Variants in KCNG3 observed in about 807,000 individuals in gnomAD.
The protein encoded by KCNG3 is potassium voltage-gated channel modifier subfamily G member 3.
KCNG3 carries 15 observed loss-of-function variants against 29.0 expected under a neutral mutation model. That is an observed-to-expected ratio of 0.52 (90% CI 0.35 to 0.80). The LOEUF (loss-of-function observed/expected upper bound fraction) is 0.80. Among genes scored for constraint, KCNG3 ranks in the 30% least tolerant of loss-of-function variants. The probability of loss-of-function intolerance (pLI) is 0.01; values close to 1 mark genes in which losing one functional copy is unlikely to be tolerated. For synonymous variants in KCNG3, 322 were observed against 248.9 expected, an observed-to-expected ratio of 1.29 and a Z score of -2.76; for missense variants, 512 against 605.7, an observed-to-expected ratio of 0.85 and a Z score of 1.62.
At chr2:42,473,778 T>C (rs1673352519) in intron 1 of KCNG3, among the ~76,000 whole-genome samples, 1 of 152,244 alleles carries the variant, frequency 6.6e-6, no homozygotes, top group African/African-American at 2.4e-5. Context: ...TAAATTTTGC[T>C]TTATTTTCAA....
the KCNG3 span, among the ~76,000 whole-genome samples, chr2:42,423,289 C>T: frequency 6.6e-6 from 1 of 152,216 alleles, no homozygotes; most frequent in South Asian, 2.1e-4. Context: ...GTCCCACTGT[C>T]CCCAGTCTCT....
the KCNG3 span, among the ~76,000 whole-genome samples, chr2:42,414,438 G>C: frequency 1.3e-5 from 2 of 152,026 alleles, no homozygotes; most frequent in Non-Finnish European, 2.9e-5. Context: ...CTGTTATTCT[G>C]ATTGTCATTC....
At chr2:42,432,436 C>G in the KCNG3 span, among the ~76,000 whole-genome samples, 1 of 152,196 alleles carries the variant, frequency 6.6e-6, no homozygotes, top group East Asian at 1.9e-4. Flanking sequence ...TGTTTCTCAG[C>G]TCTTCTGCCA....
the KCNG3 span, among the ~76,000 whole-genome samples, chr2:42,404,876 G>A: frequency 6.6e-6 from 1 of 152,200 alleles, no homozygotes; most frequent in Non-Finnish European, 1.5e-5. Context: ...CTTAAGAGCT[G>A]TAACTAGATA....
chr2:42,452,034 T>G (rs1672767838), intron 1 of KCNG3, among the ~76,000 whole-genome samples: 1 of 151,870 alleles, frequency 6.6e-6, no homozygotes, highest in Non-Finnish European at 1.5e-5. Flanking sequence ...AAAGAACTCC[T>G]GCAACTCAGT....
intron 1 of KCNG3, among the ~76,000 whole-genome samples, chr2:42,478,143 G>T (rs1395439440): frequency 6.6e-6 from 1 of 152,036 alleles, no homozygotes; most frequent in Non-Finnish European, 1.5e-5. Context: ...AAACTTTTGC[G>T]GCTCAGGACC....
chr2:42,419,915 G>T, the KCNG3 span, among the ~76,000 whole-genome samples: 12 of 151,968 alleles, frequency 7.9e-5, no homozygotes, highest in Non-Finnish European at 1.8e-4. Flanking sequence ...ACTACTATCT[G>T]CATAATCTAC....
intron 1 of KCNG3, among the ~76,000 whole-genome samples, chr2:42,460,266 G>C (rs779064874): frequency 5.9e-5 from 9 of 151,986 alleles, no homozygotes; most frequent in East Asian, 5.8e-4. Context: ...TGGGAGAATT[G>C]CCTGTACCCA....
the KCNG3 span, among the ~76,000 whole-genome samples, chr2:42,421,317 T>C: frequency 6.6e-6 from 1 of 152,010 alleles, no homozygotes; most frequent in Admixed American, 6.6e-5. Flanking sequence ...AATTCAGAAG[T>C]GACAATAATA....
At chr2:42,466,822 G>A (rs1208486980) in intron 1 of KCNG3, among the ~76,000 whole-genome samples, 6 of 147,740 alleles carry the variant, frequency 4.1e-5, no homozygotes, top group Non-Finnish European at 7.4e-5. Context: ...GTGCGATCTC[G>A]GCTCACTGCA....
At chr2:42,418,278 T>C in the KCNG3 span, among the ~76,000 whole-genome samples, 1 of 152,214 alleles carries the variant, frequency 6.6e-6, no homozygotes, top group African/African-American at 2.4e-5. Context: ...CATGTAGAAT[T>C]TCATTCCATT....
Position 42,492,860 on chromosome 2 carries a change from G to T in KCNG3, c.642C>A (p.Ala214=), listed in dbSNP as rs1220495957. The T allele has an allele frequency of 1.3e-6, 2 of 1,509,892 alleles. No individual in the cohort carries two copies. Among genetic ancestry groups the T allele is most frequent in the Non-Finnish European group, 8.8e-7 (1 of 1,133,614 alleles). 93.5% of individuals were successfully genotyped at this position (1,509,892 alleles called of 1,614,324 possible). A position where few individuals can be genotyped will look rare whatever the true frequency, so the allele number is the denominator to read the frequency against. The change falls in exon 1 of 2, where the codon GCC becomes GCA. Residue 214 remains alanine (A), a synonymous_variant. Coordinates refer to ENST00000306078, the MANE Select transcript of KCNG3 (RefSeq NM_133329.6). ...ACCCGGAGGGCTCCCTCCCAGGGCC[G>T]GCGGAGTACCTGCTCCGGTCATCCA... The part of the protein sequence containing the change: ...RSLDDRSRYS[A]GPGREPSGII...
At chr2:42,438,362 T>G (rs934088494), downstream of KCNG3, among the ~76,000 whole-genome samples, 1 of 152,144 alleles carries the variant, frequency 6.6e-6, no homozygotes, top group South Asian at 2.1e-4. Flanking sequence ...TAATATAAAA[T>G]TACGGGAAAT....
chr2:42,433,891 G>T, the KCNG3 span, among the ~76,000 whole-genome samples: 1 of 152,138 alleles, frequency 6.6e-6, no homozygotes, highest in Non-Finnish European at 1.5e-5. Context: ...CTGGCCTTTG[G>T]ACTGCAGTAA....
the KCNG3 span, among the ~76,000 whole-genome samples, chr2:42,403,090 C>CT: frequency 1.3e-5 from 2 of 152,092 alleles, no homozygotes; most frequent in Admixed American, 6.6e-5. Flanking sequence ...CCTTTTATTT[C>CT]TAAGTATTTT....
intron 1 of KCNG3, among the ~76,000 whole-genome samples, chr2:42,461,757 T>C (rs773770918): frequency 1.3e-4 from 20 of 152,208 alleles, no homozygotes; most frequent in Non-Finnish European, 2.2e-4. Flanking sequence ...GACTACCACA[T>C]GGGTTCTATT....
At chr2:42,430,667 G>A in the KCNG3 span, among the ~76,000 whole-genome samples, 1 of 152,068 alleles carries the variant, frequency 6.6e-6, no homozygotes, top group South Asian at 2.1e-4. Flanking sequence ...GGGAGTGGGA[G>A]GATCACTTGA....
chr2:42,412,901 A>G, the KCNG3 span, among the ~76,000 whole-genome samples: 2 of 151,926 alleles, frequency 1.3e-5, no homozygotes, highest in Non-Finnish European at 2.9e-5. Context: ...TTTAATTACT[A>G]CGTCACATTT....
the KCNG3 span, among the ~76,000 whole-genome samples, chr2:42,420,988 A>AC: frequency 2.0e-5 from 3 of 152,282 alleles, no homozygotes; most frequent in Admixed American, 1.3e-4. Context: ...GTTAGAAACA[A>AC]AAAGGGCAGC....
Sources: allele counts gnomAD v4.1 joint callset (sites outside exome capture counted in the v4.1 genomes callset), GRCh38; gene constraint gnomAD v4.1.1; transcripts MANE v1.5; gene names NCBI Gene and HGNC (gene_info 2026-07-23, HGNC 2026-07-21).